The following TNS4 variants were observed in gnomAD, a reference collection of about 807,000 sequenced individuals.
TNS4 encodes the protein tensin-4.
TNS4 carries 46 observed loss-of-function variants against 70.4 expected under a neutral mutation model. The ratio of observed to expected loss-of-function variants is 0.65; its 90% CI spans 0.52 to 0.84. The LOEUF (loss-of-function observed/expected upper bound fraction) is 0.84. Ranked by LOEUF, TNS4 falls within the 40% of genes least tolerant of loss-of-function variation. The pLI is 0.00. For synonymous variants in TNS4, 390 were observed against 366.6 expected (o/e 1.06, Z -0.73); for missense variants, 863 against 907.0 (o/e 0.95, Z 0.62).
chr17:40,487,412 G>A lies in TNS4; in HGVS notation c.912C>T (p.Ser304=), dbSNP rs762540074. The A allele has an allele frequency of 4.3e-6, 7 of 1,613,452 alleles. No individual in the cohort carries two copies. Among genetic ancestry groups the A allele is most frequent in the Middle Eastern group, 1.6e-4 (1 of 6,062 alleles). Residue 304 remains serine, a synonymous_variant, in exon 4 of 13, where the codon TCC becomes TCT. Coordinates refer to ENST00000254051, the MANE Select transcript of TNS4 (RefSeq NM_032865.6). ...AGTTGGCTGGACTTTCCAAGGATCT[G>A]GAAGATGACTGATGGCTGGAGTTGC... ...HSSNSSHQSS[S]RSLESPANSS...
At chr17:40,495,791 T>C (rs780764209) in intron 2 of TNS4, among the ~76,000 whole-genome samples, 196 bp downstream of exon 2, 6 of 152,058 alleles carry the variant, frequency 3.9e-5, no homozygotes, top group African/African-American at 1.4e-4. Flanking sequence ...AGGAACCAAA[T>C]AGAATTGGCT....
At position 40,482,190 on chromosome 17, in the gene TNS4, G is replaced by A. The variant is rs749374357; in HGVS notation, c.1611C>T (p.Phe537=). The A allele has an allele frequency of 2.7e-5, 43 of 1,614,114 alleles. No individual in the cohort carries two copies. The highest frequency in any genetic ancestry group is 1.5e-4 in the Admixed American group (9 of 60,012). The change falls in exon 8 of 13, where the codon TTC becomes TTT. Residue 537 remains phenylalanine (F), a synonymous_variant. Transcript: ENST00000254051. ...EEPYFGSLSA[F]VCQHSIMALA... ...GGGCCATGATGGAATGCTGGCACAC[G>A]AAGGCAGAGAGGCTCCCTGAAAGGA... is the stretch of plus-strand genomic sequence containing the variant.
At position 40,478,347 on chromosome 17, in the gene TNS4, A is replaced by G. The variant is rs1226921884; in HGVS notation, c.1980-14T>C. On this transcript the variant is annotated splice_polypyrimidine_tract_variant and intron_variant, in intron 11 of 12. Transcript: ENST00000254051. The stretch of plus-strand genomic sequence containing the variant: ...TACTTCTGCCACCTGTAGGAAAAGA[A>G]CATGATACCGAGTAATGAGGCTTCG... 1.2e-6 allele frequency: 2 copies of G among 1,609,740 alleles called. No individual in the cohort carries two copies. Among genetic ancestry groups the G allele is most frequent in the South Asian group, 2.2e-5 (2 of 90,530 alleles).
At chr17:40,499,739 G>A (rs1034463314) in intron 1 of TNS4, among the ~76,000 whole-genome samples, 4 of 152,222 alleles carry the variant, frequency 2.6e-5, no homozygotes, top group East Asian at 1.9e-4. Context: ...ACACAGAGCC[G>A]GAACCACGGC....
chr17:40,483,877 G>A lies in TNS4; in HGVS notation c.1501+607C>T, dbSNP rs538018424. On this transcript the variant is annotated intron_variant, in intron 6 of 12. Transcript: ENST00000254051. The stretch of plus-strand genomic sequence containing the variant: ...AAGAAGGTGCAATCCTGGGGTTTGA[G>A]TGAGGCCTATGACCCAGGTACCTTG... Among the ~76,000 whole-genome samples the A allele has an allele frequency of 3.9e-5, 6 of 152,316 alleles. No individual in the cohort carries two copies. The East Asian group carries it at 9.6e-4, about 24-fold the overall frequency.
Position 40,477,498 on chromosome 17 carries a change from T to G in TNS4, c.*90A>C. ...AGTCCCATAGATTGGTCTGTCAATATGGCCACAAGCCACACCCATTCAGGG... is the reference window on the plus strand; with the variant it reads ...AGTCCCATAGATTGGTCTGTCAATAGGGCCACAAGCCACACCCATTCAGGG... On this transcript the variant is annotated 3_prime_UTR_variant, in exon 13 of 13. Transcript: ENST00000254051. 8 of 1,548,304 alleles carry G rather than the reference T, an allele frequency of 5.2e-6. No homozygotes were observed. Among genetic ancestry groups the G allele is most frequent in the Non-Finnish European group, 7.0e-6 (8 of 1,141,990 alleles).
At chr17:40,493,566 C>T (rs977566016) in intron 2 of TNS4, among the ~76,000 whole-genome samples, 1 of 152,186 alleles carries the variant, frequency 6.6e-6, no homozygotes, top group African/African-American at 2.4e-5. Flanking sequence ...CCAGGCATTG[C>T]AGGTGTCCAG....
chr17:40,484,818 C>A, intron 5 of TNS4, 103 bp downstream of exon 5: 1 of 1,454,432 alleles, frequency 6.9e-7, no homozygotes, highest in Non-Finnish European at 9.6e-7. Flanking sequence ...CCCCGCTTCC[C>A]AGGACCCACT....
chr17:40,486,064 C>T (rs551433781), intron 4 of TNS4, among the ~76,000 whole-genome samples: 1 of 152,138 alleles, frequency 6.6e-6, no homozygotes, highest in Admixed American at 6.5e-5. Context: ...CCCCGATGGC[C>T]GAGGGAGGGG....
rs1424169070 is a variant in TNS4, at chr17:40,488,705, C to T, written c.704G>A (p.Cys235Tyr). ...GGGGCTCGAGGCCTTGCTCCCCATG[C>T]AAGGGATTGAGATGCTGGGGGAATT... ...PPNSPSISIP[C>Y]MGSKASSPHG... is the part of the protein sequence containing the mutation. The change falls in exon 3 of 13, where the codon TGC becomes TAC. Residue 235 changes from cysteine to tyrosine, a missense_variant. Transcript: ENST00000254051. The T allele has an allele frequency of 6.3e-7, 1 of 1,586,556 alleles. No individual in the cohort carries two copies. The highest frequency in any genetic ancestry group is 1.8e-5 in the Admixed American group (1 of 54,822).
chr17:40,494,913 C>T (rs1430601807), intron 2 of TNS4, among the ~76,000 whole-genome samples: 2 of 152,040 alleles, frequency 1.3e-5, no homozygotes, highest in Non-Finnish European at 2.9e-5. Flanking sequence ...TTGGAGGCCT[C>T]AGTCTTCCAA....
intron 3 of TNS4, among the ~76,000 whole-genome samples, chr17:40,487,947 A>C (rs563554658): frequency 1.4e-3 from 214 of 152,382 alleles, no homozygotes; most frequent in African/African-American, 4.9e-3. Flanking sequence ...GCCAGTGGGC[A>C]TGGCTGTGGA....
Position 40,476,771 on chromosome 17 carries a change from G to A in TNS4, c.*817C>T, listed in dbSNP as rs946895767. On this transcript the variant is annotated 3_prime_UTR_variant, in exon 13 of 13. Transcript: ENST00000254051. ...CCAGCTACTTGGGAGCCTGAGGCAG[G>A]ATAATTGCTTGAACCTGGGAGGTGG... 1 of 152,268 alleles carries A rather than the reference G, an allele frequency of 6.6e-6. No homozygotes were observed. The highest frequency in any genetic ancestry group is 1.5e-5 in the Non-Finnish European group (1 of 68,150). The allele number at this position is 152,268 out of a possible 1,614,324, so 9.4% of individuals were successfully genotyped here.
chr17:40,484,833 G>T, intron 5 of TNS4, 88 bp downstream of exon 5: 1 of 1,504,222 alleles, frequency 6.6e-7, no homozygotes, highest in Non-Finnish European at 9.2e-7. Context: ...CCCACTATTT[G>T]CCATTCCTTA....
intron 10 of TNS4, 108 bp from the exon 11 acceptor site, chr17:40,478,756 A>T: frequency 7.7e-7 from 1 of 1,302,484 alleles, no homozygotes; most frequent in Non-Finnish European, 1.1e-6. Context: ...TCCTCCAAGA[A>T]GTCTCTGGGT....
intron 2 of TNS4, among the ~76,000 whole-genome samples, chr17:40,495,654 G>A (rs1358398731): frequency 6.6e-6 from 1 of 152,156 alleles, no homozygotes; most frequent in Non-Finnish European, 1.5e-5. Context: ...AGGACAGTGG[G>A]GGTCAGGGAT....
At position 40,477,548 on chromosome 17, in the gene TNS4, C is replaced by A; in HGVS notation, c.*40G>T. On this transcript the variant is annotated 3_prime_UTR_variant, in exon 13 of 13. Coordinates refer to ENST00000254051, the MANE Select transcript of TNS4 (RefSeq NM_032865.6). ...GGGTGGAGGGGGGCTCCTTAGCGAG[C>A]CCCTGGAGGTGTTGGTTAGGTGCAC... 1.2e-6 allele frequency: 2 copies of A among 1,609,104 alleles called. No individual in the cohort carries two copies. Among genetic ancestry groups the A allele is most frequent in the South Asian group, 2.2e-5 (2 of 90,662 alleles).
In TNS4 at chr17:40,496,435, G is replaced by T. The variant is rs750758695; in HGVS notation, c.-10C>A. On this transcript the variant is annotated 5_prime_UTR_variant, in exon 2 of 13. Transcript: ENST00000254051. ...ACATCACCTGGGACATGGTGGGGGT[G>T]GTGACCTCTGCAGTTTACCTCTGGT... The T allele has an allele frequency of 6.2e-7, 1 of 1,608,684 alleles. No individual in the cohort carries two copies. The highest frequency in any genetic ancestry group is 1.7e-5 in the Admixed American group (1 of 59,644).
intron 3 of TNS4, among the ~76,000 whole-genome samples, chr17:40,487,738 C>T (rs1022090991): frequency 9.2e-5 from 14 of 152,208 alleles, no homozygotes; most frequent in African/African-American, 3.4e-4. Flanking sequence ...GCCCACATTC[C>T]GTCTGCCTTC....
Sources: gnomAD v4.1 joint callset for allele counts (sites outside exome capture counted in the v4.1 genomes callset) on GRCh38, gnomAD v4.1.1 for gene constraint, MANE v1.5 for transcripts, NCBI Gene and HGNC (gene_info 2026-07-23, HGNC 2026-07-21) for gene names.